EPHA3: variants seen among roughly 807,000 people sequenced by gnomAD.
EPHA3 encodes ephrin type-A receptor 3.
In EPHA3, 42 loss-of-function variants were observed where a neutral mutation model predicts 107.1. The ratio of observed to expected loss-of-function variants is 0.39; its 90% CI spans 0.31 to 0.51. The LOEUF (loss-of-function observed/expected upper bound fraction) is 0.51. Among genes scored for constraint, EPHA3 ranks in the 20% least tolerant of loss-of-function variants. EPHA3 has a pLI of 0.78. For synonymous variants in EPHA3, 461 were observed against 424.8 expected, an observed-to-expected ratio of 1.09 and a Z score of -1.05; for missense variants, 1,183 against 1,211.2, an observed-to-expected ratio of 0.98 and a Z score of 0.35.
In EPHA3 at chr3:89,130,882, C is replaced by T. The variant is rs182663781; in HGVS notation, c.153+3609C>T. On this transcript the variant is annotated intron_variant, in intron 2 of 16. Coordinates refer to ENST00000336596, the MANE Select transcript of EPHA3 (RefSeq NM_005233.6). ...CGATCTCCTGACCTCGTGATCCGCC[C>T]GCCTTGGCCTCCCAAAATGTTGGGA... Among the ~76,000 whole-genome samples the T allele has an allele frequency of 6.4e-3, 968 of 152,216 alleles. 8 individuals carry two copies. Among genetic ancestry groups the T allele is most frequent in the African/African-American group, 0.021 (876 of 41,556 alleles).
intron 3 of EPHA3, among the ~76,000 whole-genome samples, chr3:89,213,113 A>G (rs1332677872): frequency 6.6e-6 from 1 of 151,954 alleles, no homozygotes; most frequent in Non-Finnish European, 1.5e-5. Context: ...AAACCTTAGT[A>G]TATTCTTCAC....
chr3:89,319,008 G>C (rs192306630), intron 3 of EPHA3, among the ~76,000 whole-genome samples: 2 of 151,888 alleles, frequency 1.3e-5, no homozygotes, highest in East Asian at 1.9e-4. Context: ...AGAATATTTT[G>C]CTCTTAGTTA....
intron 2 of EPHA3, among the ~76,000 whole-genome samples, chr3:89,187,559 A>G (rs1256692664): frequency 6.6e-6 from 1 of 151,926 alleles, no homozygotes; most frequent in African/African-American, 2.4e-5. Flanking sequence ...TATAAAAAAT[A>G]TGTTAATTTA....
intron 1 of EPHA3, among the ~76,000 whole-genome samples, chr3:89,118,508 A>G (rs1163109010): frequency 6.6e-6 from 1 of 151,960 alleles, no homozygotes; most frequent in Non-Finnish European, 1.5e-5. Flanking sequence ...TCCTTTGGAA[A>G]TTAACTAAGC....
intron 2 of EPHA3, among the ~76,000 whole-genome samples, chr3:89,138,360 C>T (rs2107009034): frequency 6.6e-6 from 1 of 151,770 alleles, no homozygotes; most frequent in East Asian, 1.9e-4. Context: ...AATACTTGTA[C>T]AGTATTTATA....
intron 3 of EPHA3, among the ~76,000 whole-genome samples, chr3:89,253,823 G>GT (rs35269238): frequency 1.8e-4 from 27 of 150,372 alleles, no homozygotes; most frequent in East Asian, 1.6e-3. Flanking sequence ...AATAAGAGGA[G>GT]TTTTTTTTTT....
At chr3:89,312,652 G>A (rs974872264) in intron 3 of EPHA3, among the ~76,000 whole-genome samples, 1 of 151,632 alleles carries the variant, frequency 6.6e-6, no homozygotes, top group African/African-American at 2.4e-5. Flanking sequence ...TCTATCATGG[G>A]AGTTTGTTGA....
intron 2 of EPHA3, among the ~76,000 whole-genome samples, chr3:89,178,366 G>T (rs561103793): frequency 6.6e-6 from 1 of 151,982 alleles, no homozygotes; most frequent in East Asian, 1.9e-4. Context: ...TGGAACTAAG[G>T]TATAAAGAAA....
intron 2 of EPHA3, among the ~76,000 whole-genome samples, chr3:89,176,666 A>G (rs1356929734): frequency 2.0e-5 from 3 of 152,128 alleles, no homozygotes; most frequent in African/African-American, 4.8e-5. Context: ...CATCTTACAC[A>G]TATTAACAGT....
At chr3:89,140,192 A>G (rs995279438) in intron 2 of EPHA3, among the ~76,000 whole-genome samples, 9 of 151,986 alleles carry the variant, frequency 5.9e-5, no homozygotes, top group African/African-American at 2.2e-4. Flanking sequence ...TCAAAGATTA[A>G]TCTAAATCTG....
At chr3:89,280,501 C>A (rs748290364) in intron 3 of EPHA3, among the ~76,000 whole-genome samples, 22 of 152,122 alleles carry the variant, frequency 1.4e-4, no homozygotes, top group Non-Finnish European at 2.9e-4. Flanking sequence ...AGGGATGTTT[C>A]TATTCTCATT....
intron 5 of EPHA3, among the ~76,000 whole-genome samples, chr3:89,390,028 G>T (rs1277303888): frequency 6.6e-6 from 1 of 151,810 alleles, no homozygotes; most frequent in East Asian, 1.9e-4. Flanking sequence ...GTCTCACTCT[G>T]TCGCCCTGAC....
chr3:89,318,056 T>C (rs1018362031), intron 3 of EPHA3, among the ~76,000 whole-genome samples: 39 of 151,974 alleles, frequency 2.6e-4, no homozygotes, highest in African/African-American at 7.5e-4. Flanking sequence ...ATCAATAATA[T>C]AGCAGCATAT....
chr3:89,228,348 C>A (rs148495560), intron 3 of EPHA3, among the ~76,000 whole-genome samples: 24 of 151,768 alleles, frequency 1.6e-4, no homozygotes, highest in Non-Finnish European at 1.5e-4. Flanking sequence ...AATGAGAAAG[C>A]CTGCCAGCAC....
chr3:89,435,783 T>C (rs1709658359), intron 13 of EPHA3, among the ~76,000 whole-genome samples: 1 of 150,240 alleles, frequency 6.7e-6, no homozygotes, highest in African/African-American at 2.4e-5. Context: ...TGAAACCCCG[T>C]GTCTACTAAA....
At chr3:89,405,553 G>T (rs115878753) in intron 7 of EPHA3, among the ~76,000 whole-genome samples, 1 of 152,130 alleles carries the variant, frequency 6.6e-6, no homozygotes, top group Non-Finnish European at 1.5e-5. Context: ...TTCAGATGCT[G>T]CTCACAGGAA....
chr3:89,413,961 T>G (rs1709201503), intron 10 of EPHA3, among the ~76,000 whole-genome samples: 2 of 151,672 alleles, frequency 1.3e-5, no homozygotes, highest in Non-Finnish European at 3.0e-5. Flanking sequence ...ATATGTGCAG[T>G]ATGCATGGAA....
At chr3:89,456,535 C>T (rs1452055406) in intron 15 of EPHA3, among the ~76,000 whole-genome samples, 1 of 152,066 alleles carries the variant, frequency 6.6e-6, no homozygotes, top group African/African-American at 2.4e-5. Context: ...TTTTATAATG[C>T]ATCATTTCAC....
At chr3:89,218,742 T>C (rs1038081324) in intron 3 of EPHA3, among the ~76,000 whole-genome samples, 2 of 152,138 alleles carry the variant, frequency 1.3e-5, no homozygotes, top group African/African-American at 2.4e-5. Context: ...CTCATCATCA[T>C]TGGCCATCAG....
Sources: allele counts gnomAD v4.1 joint callset (sites outside exome capture counted in the v4.1 genomes callset), GRCh38; gene constraint gnomAD v4.1.1; transcripts MANE v1.5; gene names NCBI Gene and HGNC (gene_info 2026-07-23, HGNC 2026-07-21).